COPG2: variants seen among roughly 807,000 people sequenced by gnomAD.
COPG2 encodes the protein coat protein complex I subunit gamma 2, also known as coatomer subunit gamma-2.
COPG2 carries 37 observed loss-of-function variants against 46.3 expected under a neutral mutation model. That is an observed-to-expected ratio of 0.80 (90% CI 0.61 to 1.05). The LOEUF (loss-of-function observed/expected upper bound fraction) is 1.05. Ranked by LOEUF, COPG2 falls within the 50% of genes least tolerant of loss-of-function variation. The probability of loss-of-function intolerance (pLI) is 0.00; values close to 1 mark genes in which losing one functional copy is unlikely to be tolerated. For missense variants in COPG2, 427 were observed against 387.8 expected (o/e 1.10, Z -0.85); for synonymous variants, 159 against 129.7 (o/e 1.23, Z -1.53).
chr7:130,511,713 C>T (rs782039300), intron 20 of COPG2: 3 of 514,932 alleles, frequency 5.8e-6, no homozygotes, highest in East Asian at 5.5e-5. Flanking sequence ...GAAGGGCCTA[C>T]TGGCAGAGCA....
chr7:130,609,050 T>A (rs1477509712), intron 9 of COPG2, among the ~76,000 whole-genome samples: 1 of 152,086 alleles, frequency 6.6e-6, no homozygotes, highest in Non-Finnish European at 1.5e-5. Flanking sequence ...CTAATTTTTG[T>A]ATTTTCTTCT....
chr7:130,668,286 C>T (rs989593525), intron 1 of COPG2, among the ~76,000 whole-genome samples: 3 of 152,036 alleles, frequency 2.0e-5, no homozygotes, highest in African/African-American at 4.8e-5. Context: ...ACCCTACCAG[C>T]ACCCCTGGAC....
intron 9 of COPG2, among the ~76,000 whole-genome samples, chr7:130,597,319 G>A (rs567543005): frequency 2.0e-5 from 3 of 152,290 alleles, no homozygotes; most frequent in South Asian, 2.1e-4. Context: ...TATCTTTTTC[G>A]ATGTCTGATC....
At chr7:130,641,864 G>T (rs967988255) in intron 5 of COPG2, among the ~76,000 whole-genome samples, 2 of 152,086 alleles carry the variant, frequency 1.3e-5, no homozygotes, top group South Asian at 4.1e-4. Context: ...ACACATTATC[G>T]GCACAATTGA....
At chr7:130,529,566 T>C (rs1360731026) in intron 20 of COPG2, among the ~76,000 whole-genome samples, 20 of 152,096 alleles carry the variant, frequency 1.3e-4, no homozygotes, top group Admixed American at 1.3e-3. Flanking sequence ...GATCTCAGGA[T>C]ACGTTGGTGG....
intron 5 of COPG2, among the ~76,000 whole-genome samples, chr7:130,631,314 CACCT>C (rs1795226851): frequency 6.6e-6 from 1 of 151,774 alleles, no homozygotes; most frequent in African/African-American, 2.4e-5. Flanking sequence ...CGTGCCATCA[CACCT>C]GGCTAATTTT....
intron 9 of COPG2, chr7:130,608,023 C>A: frequency 3.0e-6 from 1 of 337,634 alleles, no homozygotes; most frequent in Non-Finnish European, 5.8e-6. Context: ...ATTAAGCTGG[C>A]CAAGCTACAC....
At chr7:130,665,962 A>G (rs1263648675) in intron 3 of COPG2, among the ~76,000 whole-genome samples, 2 of 152,222 alleles carry the variant, frequency 1.3e-5, no homozygotes, top group Non-Finnish European at 2.9e-5. Context: ...AACAGTGCAC[A>G]GCACACAGCA....
chr7:130,611,559 G>C (rs1341930844), intron 8 of COPG2, among the ~76,000 whole-genome samples: 2 of 152,162 alleles, frequency 1.3e-5, no homozygotes, highest in Admixed American at 6.5e-5. Flanking sequence ...ATCAGAGTCA[G>C]GAGAATGAGA....
intron 20 of COPG2, among the ~76,000 whole-genome samples, chr7:130,520,276 G>A (rs2116345495): frequency 1.3e-5 from 2 of 152,266 alleles, no homozygotes; most frequent in East Asian, 3.9e-4. Context: ...AAGAAATAAT[G>A]TTAGGATTGG....
chr7:130,572,626 GAAGA>G (rs1793928703), intron 9 of COPG2, among the ~76,000 whole-genome samples: 1 of 151,944 alleles, frequency 6.6e-6, no homozygotes, highest in African/African-American at 2.4e-5. Flanking sequence ...CAGGGATCAA[GAAGA>G]AATCAAATGG....
At chr7:130,549,205 G>A (rs1419807421) in intron 18 of COPG2, 109 bp downstream of exon 18, 8 of 397,198 alleles carry the variant, frequency 2.0e-5, no homozygotes, top group Admixed American at 1.3e-4. Flanking sequence ...TCAGCCACAC[G>A]AAGATTTCCT....
At chr7:130,667,228 TA>T (rs2116277653) in intron 2 of COPG2, among the ~76,000 whole-genome samples, 1 of 152,348 alleles carries the variant, frequency 6.6e-6, no homozygotes, top group South Asian at 2.1e-4. Flanking sequence ...CTGATTTCAA[TA>T]ACCTTGCACT....
intron 20 of COPG2, among the ~76,000 whole-genome samples, chr7:130,523,971 T>A (rs1799751580): frequency 6.7e-6 from 1 of 148,556 alleles, no homozygotes; most frequent in Admixed American, 6.7e-5. Context: ...GGCAGGGGGA[T>A]GAGGGTGGGT....
intron 9 of COPG2, among the ~76,000 whole-genome samples, chr7:130,567,930 C>T (rs1475256115): frequency 6.6e-6 from 1 of 152,092 alleles, no homozygotes; most frequent in Non-Finnish European, 1.5e-5. Flanking sequence ...GGTATTCAGG[C>T]TACAACTAGC....
intron 5 of COPG2, among the ~76,000 whole-genome samples, chr7:130,643,550 C>T (rs1240488188): frequency 3.3e-5 from 5 of 152,026 alleles, no homozygotes; most frequent in African/African-American, 9.7e-5. Context: ...TCAACTTCAA[C>T]GTTCGGGGTT....
chr7:130,652,748 C>T (rs1158072818), intron 5 of COPG2, 121 bp downstream of exon 5: 2 of 690,544 alleles, frequency 2.9e-6, no homozygotes, highest in African/African-American at 1.8e-5. Context: ...GAAAAGAATG[C>T]TTTAAGATAT....
At chr7:130,538,607 G>A (rs1799907425) in intron 20 of COPG2, among the ~76,000 whole-genome samples, 1 of 151,892 alleles carries the variant, frequency 6.6e-6, no homozygotes, top group South Asian at 2.1e-4. Flanking sequence ...GGTAAATGGA[G>A]GAAATGGGGC....
intron 20 of COPG2, among the ~76,000 whole-genome samples, chr7:130,516,201 T>C (rs976115145): frequency 1.3e-4 from 20 of 152,160 alleles, no homozygotes; most frequent in Non-Finnish European, 7.4e-5. Flanking sequence ...AAAGTGTCAA[T>C]GATACTAACT....
Sources: allele counts gnomAD v4.1 joint callset (sites outside exome capture counted in the v4.1 genomes callset), GRCh38; gene constraint gnomAD v4.1.1; transcripts MANE v1.5; gene names NCBI Gene and HGNC (gene_info 2026-07-23, HGNC 2026-07-21).